Variants in SCN9A observed in about 807,000 individuals in gnomAD.
SCN9A encodes the protein sodium channel protein type 9 subunit alpha.
A neutral mutation model predicts 187.0 loss-of-function variants in SCN9A; 131 were observed. The observed-to-expected ratio is 0.70, with a 90% CI of 0.61 to 0.81. SCN9A has a LOEUF of 0.81. SCN9A is among the 30% of genes least tolerant of loss of function. The probability of loss-of-function intolerance (pLI) is 0.00; values close to 1 mark genes in which losing one functional copy is unlikely to be tolerated. For synonymous variants in SCN9A, 809 were observed against 808.6 expected, an observed-to-expected ratio of 1.00 and a Z score of -0.01; for missense variants, 2,252 against 2,396.6, an observed-to-expected ratio of 0.94 and a Z score of 1.26.
chr2:166,207,804 T>G (rs1294266331), intron 24 of SCN9A, among the ~76,000 whole-genome samples: 6 of 152,198 alleles, frequency 3.9e-5, no homozygotes, highest in Non-Finnish European at 7.3e-5. Flanking sequence ...AATTTTCATA[T>G]TCATCTCACC....
At chr2:166,369,344 C>T (rs1228148132) in intron 1 of SCN9A, among the ~76,000 whole-genome samples, 2 of 152,114 alleles carry the variant, frequency 1.3e-5, no homozygotes, top group African/African-American at 4.8e-5. Flanking sequence ...GCTTTTAACA[C>T]TTTATAAAAA....
chr2:166,340,029 G>C (rs1254808401), intron 1 of SCN9A, among the ~76,000 whole-genome samples: 1 of 152,124 alleles, frequency 6.6e-6, no homozygotes, highest in Non-Finnish European at 1.5e-5. Flanking sequence ...AAGAGGGGAT[G>C]AAGTAAGGCA....
chr2:166,366,934 C>T lies in SCN9A; in HGVS notation c.-51+8763G>A, dbSNP rs183704773. On this transcript the variant is annotated intron_variant, in intron 1 of 26. Coordinates refer to ENST00000642356, the MANE Select transcript of SCN9A (RefSeq NM_001365536.1). ...TTAGTTTTCCAAAACTGTTTTAAAA[C>T]CCTTAAAAGTCAACTTCTTGCATTA... Among the ~76,000 whole-genome samples the T allele has an allele frequency of 2.4e-3, 359 of 152,146 alleles. 3 individuals carry two copies. The highest frequency in any genetic ancestry group is 4.5e-3 in the Non-Finnish European group (309 of 68,004).
intron 16 of SCN9A, 117 bp downstream of exon 16, chr2:166,276,866 T>A: frequency 7.4e-6 from 6 of 812,196 alleles, no homozygotes; most frequent in Non-Finnish European, 1.0e-5. Context: ...ATCACTATTC[T>A]TTTGCAATTA....
chr2:166,363,045 A>T (rs952686936), intron 1 of SCN9A, among the ~76,000 whole-genome samples: 3 of 151,998 alleles, frequency 2.0e-5, no homozygotes, highest in Admixed American at 6.6e-5. Flanking sequence ...CTCCACAAGG[A>T]TTGTCTAAAA....
At chr2:166,246,958 C>G (rs1290964831) in intron 18 of SCN9A, among the ~76,000 whole-genome samples, 1 of 151,834 alleles carries the variant, frequency 6.6e-6, no homozygotes, top group Non-Finnish European at 1.5e-5. Context: ...AGATTTCCAA[C>G]TAAGCTGGTT....
At chr2:166,348,275 C>A (rs1284620866) in intron 1 of SCN9A, among the ~76,000 whole-genome samples, 1 of 151,758 alleles carries the variant, frequency 6.6e-6, no homozygotes, top group Non-Finnish European at 1.5e-5. Context: ...AGCTATTTTC[C>A]AGCCTAGATA....
At chr2:166,331,088 TAA>T (rs1293558436) in intron 1 of SCN9A, among the ~76,000 whole-genome samples, 1 of 152,186 alleles carries the variant, frequency 6.6e-6, no homozygotes, top group East Asian at 1.9e-4. Context: ...AAAAATTAAA[TAA>T]GTTGTCTCTG....
intron 1 of SCN9A, among the ~76,000 whole-genome samples, chr2:166,375,371 C>T (rs954138713): frequency 6.6e-6 from 1 of 152,142 alleles, no homozygotes; most frequent in African/African-American, 2.4e-5. Flanking sequence ...CTAGCGTAAA[C>T]AGAAATAAAA....
At chr2:166,318,598 AAAC>A (rs1198853404) in intron 1 of SCN9A, among the ~76,000 whole-genome samples, 1 of 152,116 alleles carries the variant, frequency 6.6e-6, no homozygotes, top group Non-Finnish European at 1.5e-5. Context: ...AGGCTACCAA[AAAC>A]AACAACATCA....
intron 17 of SCN9A, among the ~76,000 whole-genome samples, chr2:166,257,462 A>G (rs1000556513): frequency 1.3e-5 from 2 of 151,712 alleles, no homozygotes; most frequent in African/African-American, 2.4e-5. Context: ...TGGAATAATT[A>G]CTAGCTTTTT....
intron 18 of SCN9A, among the ~76,000 whole-genome samples, chr2:166,244,784 C>T (rs1027963078): frequency 1.6e-4 from 24 of 152,000 alleles, no homozygotes; most frequent in African/African-American, 5.6e-4. Flanking sequence ...CTTAACTCTG[C>T]ATTTAGCAAT....
chr2:166,211,152 C>T (rs577800405), intron 24 of SCN9A, among the ~76,000 whole-genome samples: 2 of 152,122 alleles, frequency 1.3e-5, no homozygotes, highest in East Asian at 3.9e-4. Flanking sequence ...AAGAAAAAAA[C>T]TGAATTGTCA....
intron 24 of SCN9A, among the ~76,000 whole-genome samples, chr2:166,218,609 A>G (rs1694443427): frequency 1.3e-5 from 2 of 152,128 alleles, no homozygotes; most frequent in African/African-American, 2.4e-5. Flanking sequence ...CTAAAACTAT[A>G]AAAACCCTGG....
intron 17 of SCN9A, among the ~76,000 whole-genome samples, chr2:166,256,065 A>T (rs1453686895): frequency 2.6e-5 from 4 of 151,426 alleles, no homozygotes; most frequent in Admixed American, 6.6e-5. Context: ...TAAGAGTCCA[A>T]TATTTTCCAA....
At chr2:166,234,583 ATG>A (rs1361048919) in intron 20 of SCN9A, among the ~76,000 whole-genome samples, 2 of 152,094 alleles carry the variant, frequency 1.3e-5, no homozygotes, top group African/African-American at 4.8e-5. Flanking sequence ...GTATTTCCAG[ATG>A]TCTCACTAAA....
intron 7 of SCN9A, among the ~76,000 whole-genome samples, chr2:166,298,407 G>A (rs1468748601): frequency 1.3e-5 from 2 of 152,164 alleles, no homozygotes; most frequent in African/African-American, 4.8e-5. Context: ...AAAAGTGTTT[G>A]ATGAGCATCA....
intron 5 of SCN9A, among the ~76,000 whole-genome samples, chr2:166,304,773 A>G (rs543574164): frequency 2.4e-4 from 36 of 152,212 alleles, no homozygotes; most frequent in African/African-American, 7.7e-4. Context: ...GAGAGAAGGA[A>G]ATTGAAGTGA....
Position 166,225,045 on chromosome 2 carries a change from A to G in SCN9A, c.4398+1522T>C, listed in dbSNP as rs542596567. 7.9e-5 allele frequency among the ~76,000 whole-genome samples: 12 copies of G among 152,240 alleles called. No individual in the cohort carries two copies. The South Asian group carries it at 2.5e-3, about 32-fold the overall frequency. ...CCTACTCAACATATATGAATGAAAC[A>G]CCAGCTGCTATTAAAAAAGGTCTAA... On this transcript the variant is annotated intron_variant, in intron 24 of 26. Transcript: ENST00000642356.
Sources: gnomAD v4.1 joint callset for allele counts (sites outside exome capture counted in the v4.1 genomes callset) on GRCh38, gnomAD v4.1.1 for gene constraint, MANE v1.5 for transcripts, NCBI Gene and HGNC (gene_info 2026-07-23, HGNC 2026-07-21) for gene names.